CELF5: variants seen among roughly 807,000 people sequenced by gnomAD.
The protein encoded by CELF5 is CUG-BP and ETR-3 like factor 5.
Under a neutral mutation model 54.9 loss-of-function variants are expected in CELF5, and 6 were observed. That is an observed-to-expected ratio of 0.11 (90% CI 0.06 to 0.22). The LOEUF is 0.22. CELF5 is among the 10% of genes least tolerant of loss of function. The pLI, the probability that CELF5 is intolerant of heterozygous loss-of-function variation, is 1.00. For missense variants in CELF5, 401 were observed against 678.6 expected (o/e 0.59, Z 4.54); for synonymous variants, 271 against 290.9 (o/e 0.93, Z 0.70).
rs1370827102 is a variant in CELF5 at position 3,268,191 on chromosome 19, GT to G, written c.343-5677del. On this transcript the variant is annotated intron_variant, in intron 2 of 12. Coordinates refer to ENST00000292672, the MANE Select transcript of CELF5 (RefSeq NM_021938.4). The surrounding 1 kb of genome is among the most constrained non-coding windows in gnomAD (Gnocchi z 4.4). ...TTTTTGTATTTTTAGTAGAGATGCG[GT>G]TTTACCGTGTTGGCCAGGCTGGTCT... 6.6e-6 allele frequency among the ~76,000 whole-genome samples: 1 copy of G among 151,942 alleles called. No homozygotes were observed. The highest frequency in any genetic ancestry group is 1.5e-5 in the Non-Finnish European group (1 of 67,970).
At chr19:3,226,675 A>G (rs1195885433) in intron 1 of CELF5, among the ~76,000 whole-genome samples, 1 of 152,048 alleles carries the variant, frequency 6.6e-6, no homozygotes, top group East Asian at 1.9e-4. Flanking sequence ...TGGCCCCCCA[A>G]ACGGTTGCAT....
At chr19:3,254,373 C>T (rs1466965768) in intron 2 of CELF5, among the ~76,000 whole-genome samples, 1 of 152,072 alleles carries the variant, frequency 6.6e-6, no homozygotes, top group East Asian at 1.9e-4. Flanking sequence ...CATCCATCTA[C>T]TCATCCACCT....
rs1446285024 is a variant in CELF5, at chr19:3,281,574, T to C, written c.750+229T>C. Among the ~76,000 whole-genome samples, 1 of 152,150 alleles carries C rather than the reference T, an allele frequency of 6.6e-6. No individual in the cohort carries two copies. Among genetic ancestry groups the C allele is most frequent in the African/African-American group, 2.4e-5 (1 of 41,442 alleles). On this transcript the variant is annotated intron_variant, in intron 6 of 12. Transcript: ENST00000292672. The surrounding 1 kb of genome is among the most constrained non-coding windows in gnomAD (Gnocchi z 6.5). ...CAATCTTGGACCGAGCCCCAGAACC[T>C]GGCTATGCTCCACGTCTAAATTAGG...
intron 9 of CELF5, 46 bp downstream of exon 9, chr19:3,285,010 C>T (rs1474344974): frequency 1.4e-6 from 2 of 1,460,264 alleles, no homozygotes; most frequent in Admixed American, 2.0e-5. Context: ...GCCCCGCCCC[C>T]GCCTAGGGCC....
intron 4 of CELF5, among the ~76,000 whole-genome samples, chr19:3,276,381 T>G (rs1372621273): frequency 2.7e-4 from 40 of 147,486 alleles, no homozygotes; most frequent in Non-Finnish European, 5.1e-4. Flanking sequence ...TCTCCAGAGC[T>G]GAAGTCTGTG....
chr19:3,259,776 G>C (rs974293051), intron 2 of CELF5, among the ~76,000 whole-genome samples: 1 of 151,452 alleles, frequency 6.6e-6, no homozygotes, highest in Non-Finnish European at 1.5e-5. Context: ...TTGTCACGAC[G>C]TGGGGGTGCT....
At chr19:3,287,926 C>G (rs2080281107) in intron 10 of CELF5, among the ~76,000 whole-genome samples, 1 of 152,160 alleles carries the variant, frequency 6.6e-6, no homozygotes, top group South Asian at 2.1e-4. Flanking sequence ...CTAGAATGTG[C>G]ACGTGGAAAC....
Position 3,224,787 on chromosome 19 carries a change from C to T in CELF5, c.48C>T (p.Leu16=), listed in dbSNP as rs1346093244. The T allele has an allele frequency of 6.0e-6, 9 of 1,493,330 alleles. No homozygotes were observed. The African/African-American group carries it at 1.0e-4, about 17-fold the overall frequency. 92.5% of individuals were successfully genotyped at this position (1,493,330 alleles called of 1,614,324 possible). Reference sequence around the variant, plus strand: ...AGGCGCGCCGGCAGCAGCAGCAGCTCCTGCAGCCGCGGCCCTCGCCCGTGG... The same window carrying T: ...AGGCGCGCCGGCAGCAGCAGCAGCTTCTGCAGCCGCGGCCCTCGCCCGTGG... ...ESEARRQQQQ[L]LQPRPSPVGS... Residue 16 remains leucine (L), a synonymous_variant, in exon 1 of 13, where the codon CTC becomes CTT. Transcript: ENST00000292672.
At position 3,287,034 on chromosome 19, in the gene CELF5, CAAAAAA is replaced by C. The variant is rs55661552; in HGVS notation, c.1186+1023_1186+1028del. ...TGGGCGACAGAGCAAGACTCCGTCT[CAAAAAA>C]AAAAAAAAAAAAAGAAAAGAAAAGA... On this transcript the variant is annotated intron_variant, in intron 10 of 12. Transcript: ENST00000292672. 8.7e-5 allele frequency among the ~76,000 whole-genome samples: 9 copies of C among 103,540 alleles called. No individual in the cohort carries two copies. In the East Asian group the frequency reaches 1.1e-3, roughly 13 times the overall value. The allele number at this position is 103,540 out of a possible 152,430, so 67.9% of individuals were successfully genotyped here.
At chr19:3,249,552 A>C (rs2079618840) in intron 1 of CELF5, among the ~76,000 whole-genome samples, 1 of 128,776 alleles carries the variant, frequency 7.8e-6, no homozygotes. Flanking sequence ...ACTCTGGGCC[A>C]CTCTATGGGC....
chr19:3,287,330 C>A lies in CELF5; in HGVS notation c.1186+1305C>A, dbSNP rs911941861. On this transcript the variant is annotated intron_variant, in intron 10 of 12. Transcript: ENST00000292672. ...ATCCTAGCATTTTGGGAGGCTAAGG[C>A]AGGTGAATTGCCTGAGCTCAGGAGT... Among the ~76,000 whole-genome samples, 4 of 118,220 alleles carry A rather than the reference C, an allele frequency of 3.4e-5. No homozygotes were observed. The East Asian group carries it at 8.2e-4, about 24-fold the overall frequency. 77.6% of individuals were successfully genotyped at this position (118,220 alleles called of 152,430 possible).
chr19:3,229,056 A>G (rs1917119724), intron 1 of CELF5, among the ~76,000 whole-genome samples: 1 of 151,512 alleles, frequency 6.6e-6, no homozygotes, highest in Admixed American at 6.6e-5. Context: ...CCGGAGCCTC[A>G]CACCTGTGAC....
In CELF5 at chr19:3,278,007, C is replaced by A; in HGVS notation, c.524-24C>A. The A allele has an allele frequency of 6.2e-7, 1 of 1,607,292 alleles. No individual in the cohort carries two copies. On this transcript the variant is annotated intron_variant, in intron 4 of 12. Transcript: ENST00000292672. The surrounding 1 kb of genome is among the most constrained non-coding windows in gnomAD (Gnocchi z 4.5). ...AGTCCTGTGACCCCATCACCCTCTA[C>A]CTCTTCTTCTTCTCTTGGAGCAGGC...
Position 3,282,338 on chromosome 19 carries a change from C to G in CELF5, c.893-14C>G. 1 of 1,608,700 alleles carries G rather than the reference C, an allele frequency of 6.2e-7. No homozygotes were observed. The highest frequency in any genetic ancestry group is 1.7e-4 in the Middle Eastern group (1 of 6,060). On this transcript the variant is annotated splice_polypyrimidine_tract_variant and intron_variant, in intron 7 of 12. Transcript: ENST00000292672. This position sits in a 1 kb window ranked among gnomAD's most constrained non-coding sequence, Gnocchi z 5.2. ...CCAGAACTGGCCTCCCCATGACCCT[C>G]TTCCGCTCTGCAGGGCTGCACTCAC...
chr19:3,250,438 G>A (rs1015878901), intron 1 of CELF5, among the ~76,000 whole-genome samples: 2 of 152,164 alleles, frequency 1.3e-5, no homozygotes, highest in African/African-American at 4.8e-5. Context: ...GCAGTGAGCC[G>A]AGATCGCGCC....
At chr19:3,292,641 G>C (rs1347552828) in intron 11 of CELF5, among the ~76,000 whole-genome samples, 1 of 152,132 alleles carries the variant, frequency 6.6e-6, no homozygotes, top group African/African-American at 2.4e-5. Context: ...GGTACTGACA[G>C]AGATGGAGAG....
At chr19:3,261,463 T>A (rs1340643914) in intron 2 of CELF5, among the ~76,000 whole-genome samples, 1 of 151,452 alleles carries the variant, frequency 6.6e-6, no homozygotes, top group Admixed American at 6.6e-5. Context: ...GAGAGAACAA[T>A]ATACACCAGA....
intron 2 of CELF5, among the ~76,000 whole-genome samples, chr19:3,260,377 C>G (rs1369350056): frequency 6.6e-6 from 1 of 152,126 alleles, no homozygotes. Context: ...CTCAAATGAT[C>G]CCCCTGCCTC....
rs975435812 is a variant in CELF5 at position 3,225,651 on chromosome 19, C to G, written c.259+653C>G. 53 of 955,600 alleles carry G rather than the reference C, an allele frequency of 5.5e-5. No individual in the cohort carries two copies. The African/African-American group carries it at 9.0e-4, about 16-fold the overall frequency. 59.2% of individuals were successfully genotyped at this position (955,600 alleles called of 1,614,324 possible). A position where few individuals can be genotyped will look rare whatever the true frequency, so the allele number is the denominator to read the frequency against. Reference sequence around the variant, plus strand: ...CAAAGGAAGACGGGTTGGGGGCGCCCGGCTCGGGGGGACGCGCCCGCCTCG... The same window carrying G: ...CAAAGGAAGACGGGTTGGGGGCGCCGGGCTCGGGGGGACGCGCCCGCCTCG... On this transcript the variant is annotated intron_variant, in intron 1 of 12. Transcript: ENST00000292672.
Sources: allele counts gnomAD v4.1 joint callset (sites outside exome capture counted in the v4.1 genomes callset), GRCh38; gene constraint gnomAD v4.1.1; non-coding constraint Gnocchi (gnomAD v3.1); transcripts MANE v1.5; gene names NCBI Gene and HGNC (gene_info 2026-07-23, HGNC 2026-07-21).